The following MTA3 variants were observed in gnomAD, a reference collection of about 807,000 sequenced individuals.
MTA3 encodes the protein metastasis associated 1 family member 3.
A neutral mutation model predicts 83.5 loss-of-function variants in MTA3; 34 were observed. The observed-to-expected ratio is 0.41, with a 90% CI of 0.31 to 0.54. The LOEUF (loss-of-function observed/expected upper bound fraction) is 0.54, where lower values mean the gene tolerates loss of function less well. Ranked by LOEUF, MTA3 falls within the 20% of genes least tolerant of loss-of-function variation. The pLI is 0.33. For missense variants in MTA3, 761 were observed against 726.4 expected (o/e 1.05, Z -0.55); for synonymous variants, 303 against 252.7 (o/e 1.20, Z -1.89).
chr2:42,674,921 T>C (rs933360029), intron 8 of MTA3, among the ~76,000 whole-genome samples: 1 of 151,518 alleles, frequency 6.6e-6, no homozygotes, highest in Non-Finnish European at 1.5e-5. Flanking sequence ...CTTTCTTTTT[T>C]TTTTAATATA....
At chr2:42,638,400 T>G (rs1037986601) in intron 4 of MTA3, among the ~76,000 whole-genome samples, 8 of 152,152 alleles carry the variant, frequency 5.3e-5, no homozygotes, top group African/African-American at 1.9e-4. Context: ...TTTTCTTTTT[T>G]TTTTTTGAGA....
chr2:42,574,439 A>C (rs1418809316), intron 2 of MTA3, among the ~76,000 whole-genome samples: 3 of 147,250 alleles, frequency 2.0e-5, no homozygotes, highest in African/African-American at 7.5e-5. Context: ...TTTTCTCAAA[A>C]TAACTGTGCT....
intron 16 of MTA3, among the ~76,000 whole-genome samples, chr2:42,729,385 G>T (rs1413287975): frequency 6.6e-6 from 1 of 152,134 alleles, no homozygotes; most frequent in African/African-American, 2.4e-5. Flanking sequence ...ACAGGCGTGA[G>T]CCACTGCGCC....
intron 16 of MTA3, among the ~76,000 whole-genome samples, chr2:42,728,483 C>T (rs1465507140): frequency 3.3e-5 from 5 of 152,068 alleles, no homozygotes; most frequent in Non-Finnish European, 1.5e-5. Flanking sequence ...TATGGTAGTT[C>T]TATTTTTAGT....
intron 3 of MTA3, among the ~76,000 whole-genome samples, chr2:42,585,125 G>T (rs960261313): frequency 6.6e-6 from 1 of 151,510 alleles, no homozygotes; most frequent in East Asian, 1.9e-4. Flanking sequence ...TTTCGCTCTT[G>T]TTGCCTAGGC....
intron 9 of MTA3, among the ~76,000 whole-genome samples, chr2:42,695,144 A>G (rs554335819): frequency 2.0e-5 from 3 of 152,164 alleles, no homozygotes; most frequent in African/African-American, 7.2e-5. Flanking sequence ...AAAGAGAAAG[A>G]AATGTTATCA....
In MTA3 at chr2:42,653,538, A is replaced by G. The variant is rs528867654; in HGVS notation, c.500-2662A>G. Among the ~76,000 whole-genome samples, 4 of 152,314 alleles carry G rather than the reference A, an allele frequency of 2.6e-5. No individual in the cohort carries two copies. The East Asian group carries it at 7.7e-4, about 29-fold the overall frequency. ...ATTATTTGGTCTGTTCAAAATGGGA[A>G]TCTCCTCTTAGTTTGAAATGATCGT... is the stretch of plus-strand genomic sequence containing the variant. On this transcript the variant is annotated intron_variant, in intron 6 of 16. Transcript: ENST00000405094.
chr2:42,514,662 C>T (rs544554828), intron 2 of MTA3, among the ~76,000 whole-genome samples: 2 of 142,586 alleles, frequency 1.4e-5, no homozygotes, highest in Non-Finnish European at 3.0e-5. Flanking sequence ...GCTGGGATTA[C>T]AGGCATGAGC....
chr2:42,668,506 A>G (rs1483936342), intron 8 of MTA3, among the ~76,000 whole-genome samples: 1 of 152,160 alleles, frequency 6.6e-6, no homozygotes, highest in East Asian at 1.9e-4. Context: ...TGAGATAATT[A>G]CTTGTAAAGT....
chr2:42,755,443 A>G lies in MTA3; in HGVS notation c.*2044A>G. On this transcript the variant is annotated 3_prime_UTR_variant, in exon 17 of 17. Transcript: ENST00000405094. ...GAAGGGAGGCCCCTCCTATCTACCCAGTTGACATTTGGCTTTGGGAAAAGC... is the reference window on the plus strand; with the variant it reads ...GAAGGGAGGCCCCTCCTATCTACCCGGTTGACATTTGGCTTTGGGAAAAGC... The G allele has an allele frequency of 1.0e-6, 1 of 985,440 alleles. No homozygotes were observed. The highest frequency in any genetic ancestry group is 1.2e-6 in the Non-Finnish European group (1 of 829,938). 61.0% of individuals were successfully genotyped at this position (985,440 alleles called of 1,614,324 possible).
chr2:42,512,477 T>G, intron 2 of MTA3, among the ~76,000 whole-genome samples: 1 of 152,352 alleles, frequency 6.6e-6, no homozygotes, highest in Non-Finnish European at 1.5e-5. Flanking sequence ...GTCTTCCAAG[T>G]AGGATTTTTC....
At chr2:42,739,036 A>G (rs965192145) in intron 16 of MTA3, among the ~76,000 whole-genome samples, 1 of 152,132 alleles carries the variant, frequency 6.6e-6, no homozygotes, top group Non-Finnish European at 1.5e-5. Context: ...CCCTGCCTCC[A>G]CTTGCCTTGT....
At chr2:42,688,754 G>A (rs1032511535) in intron 9 of MTA3, among the ~76,000 whole-genome samples, 1 of 151,638 alleles carries the variant, frequency 6.6e-6, no homozygotes, top group African/African-American at 2.4e-5. Context: ...CAGTCATGCT[G>A]TCTGCACATA....
At chr2:42,613,505 T>C (rs182859537) in intron 4 of MTA3, among the ~76,000 whole-genome samples, 1 of 152,348 alleles carries the variant, frequency 6.6e-6, no homozygotes, top group Admixed American at 6.5e-5. Context: ...GGAGTGGTCT[T>C]GACATTTTGC....
intron 2 of MTA3, among the ~76,000 whole-genome samples, chr2:42,515,839 G>GT (rs1180017310): frequency 1.1e-4 from 12 of 113,108 alleles, no homozygotes; most frequent in African/African-American, 4.2e-4. Flanking sequence ...TTTATTTTAT[G>GT]TATTTTTTTT....
chr2:42,576,978 A>G (rs1170753730), intron 2 of MTA3, among the ~76,000 whole-genome samples: 1 of 148,518 alleles, frequency 6.7e-6, no homozygotes, highest in Admixed American at 6.7e-5. Flanking sequence ...TAGGGAAAAA[A>G]GGCTACTTGG....
chr2:42,730,605 A>AT (rs1668170167), intron 16 of MTA3, among the ~76,000 whole-genome samples: 1 of 152,184 alleles, frequency 6.6e-6, no homozygotes, highest in African/African-American at 2.4e-5. Flanking sequence ...GTTGAATTCA[A>AT]TTTGCTAGTA....
In MTA3 at chr2:42,756,588, G is replaced by A. The variant is rs1670254861; in HGVS notation, c.*3189G>A. ...AGGAGCTGCCCCGTGGGTGTTTGGAGATTCTGTTTTACTCTGCCTAGAGAG... is the reference window on the plus strand; with the variant it reads ...AGGAGCTGCCCCGTGGGTGTTTGGAAATTCTGTTTTACTCTGCCTAGAGAG... On this transcript the variant is annotated 3_prime_UTR_variant, in exon 17 of 17. Coordinates refer to ENST00000405094, the MANE Select transcript of MTA3 (RefSeq NM_001330442.2). 2.0e-6 allele frequency: 2 copies of A among 985,648 alleles called. No homozygotes were observed. The highest frequency in any genetic ancestry group is 6.1e-5 in the Admixed American group (1 of 16,266). The allele number at this position is 985,648 out of a possible 1,614,324, so 61.1% of individuals were successfully genotyped here.
At chr2:42,597,025 C>T (rs1681874424) in intron 3 of MTA3, among the ~76,000 whole-genome samples, 1 of 152,002 alleles carries the variant, frequency 6.6e-6, no homozygotes, top group Non-Finnish European at 1.5e-5. Flanking sequence ...CTCCCTCAGC[C>T]TCCTGAGTAG....
Sources: allele counts gnomAD v4.1 joint callset (sites outside exome capture counted in the v4.1 genomes callset), GRCh38; gene constraint gnomAD v4.1.1; transcripts MANE v1.5; gene names NCBI Gene and HGNC (gene_info 2026-07-23, HGNC 2026-07-21).